The following RNF7 variants were observed in gnomAD, a reference collection of about 807,000 sequenced individuals.
RNF7 encodes RING-box protein 2.
A neutral mutation model predicts 17.0 loss-of-function variants in RNF7; 9 were observed. That is an observed-to-expected ratio of 0.53 (90% CI 0.32 to 0.92). The LOEUF is 0.92. Ranked by LOEUF, RNF7 falls within the 40% of genes least tolerant of loss-of-function variation. The pLI is 0.04. For synonymous variants in RNF7, 59 were observed against 50.5 expected (o/e 1.17, Z -0.72); for missense variants, 87 against 145.8 (o/e 0.60, Z 2.08).
intron 1 of RNF7, among the ~76,000 whole-genome samples, chr3:141,739,247 C>T (rs1404504137): frequency 1.3e-5 from 2 of 152,148 alleles, no homozygotes; most frequent in Admixed American, 6.5e-5. Flanking sequence ...TCCATCACAC[C>T]CCCCTCTCCA....
chr3:141,739,780 G>A (rs1468083993), intron 1 of RNF7, among the ~76,000 whole-genome samples: 1 of 152,156 alleles, frequency 6.6e-6, no homozygotes, highest in Non-Finnish European at 1.5e-5. Flanking sequence ...CTTGATATTA[G>A]ACATGACCCA....
intron 2 of RNF7, among the ~76,000 whole-genome samples, 193 bp from the exon 3 acceptor site, chr3:141,744,966 C>T (rs2084456960): frequency 6.6e-6 from 1 of 152,176 alleles, no homozygotes; most frequent in Non-Finnish European, 1.5e-5. Context: ...GAAAGGCTCT[C>T]AAACAGTGAC....
chr3:141,745,508 C>CT lies in RNF7; in HGVS notation c.*232dup, dbSNP rs1183788419. ...TTATTAAAGGTGGTCCTTCCTACCT[C>CT]TGTGGTGTGTGTCGCGCACACAGCT... is the stretch of plus-strand genomic sequence containing the variant. On this transcript the variant is annotated 3_prime_UTR_variant, in exon 3 of 3. Coordinates refer to ENST00000273480, the MANE Select transcript of RNF7 (RefSeq NM_014245.5). 2.0e-4 allele frequency: 63 copies of CT among 313,474 alleles called. No individual in the cohort carries two copies. Among genetic ancestry groups the CT allele is most frequent in the Middle Eastern group, 1.0e-3 (1 of 978 alleles). The allele number at this position is 313,474 out of a possible 1,614,324, so 19.4% of individuals were successfully genotyped here. A position where few individuals can be genotyped will look rare whatever the true frequency, so the allele number is the denominator to read the frequency against.
intron 2 of RNF7, 102 bp from the exon 3 acceptor site, chr3:141,745,057 T>G (rs1243218550): frequency 2.7e-6 from 2 of 733,950 alleles, no homozygotes; most frequent in African/African-American, 3.6e-5. Flanking sequence ...ATTAACTATC[T>G]TTTTTCAAGA....
chr3:141,740,268 A>AAAATAAT (rs1351271864), intron 1 of RNF7, among the ~76,000 whole-genome samples: 9 of 151,634 alleles, frequency 5.9e-5, no homozygotes, highest in African/African-American at 1.9e-4. Flanking sequence ...GTTCCTTTCC[A>AAAATAAT]GTTTAAAAAT....
rs1165211500 is a variant in RNF7, at chr3:141,738,429, T to C, written c.88T>C (p.Phe30Leu). Residue 30 changes from phenylalanine to leucine, a missense_variant, in exon 1 of 3, where the codon TTC becomes CTC. Physicochemically the swap from Phe to Leu is conservative, Grantham distance 22. Around this residue, in one of 2 missense-constraint regions of RNF7, gnomAD observed 51 missense variants for 41.0 expected, o/e 1.24. Transcript: ENST00000273480. ...CTCCAAGTCGGGAGGCGACAAGATGTTCTCCCTCAAGAAGTGGAACGCGGT... is the reference window on the plus strand; with the variant it reads ...CTCCAAGTCGGGAGGCGACAAGATGCTCTCCCTCAAGAAGTGGAACGCGGT... Reference protein sequence around the residue: ...SGSKSGGDKMFSLKKWNAVAM... With the variant: ...SGSKSGGDKMLSLKKWNAVAM... 5.6e-6 allele frequency: 9 copies of C among 1,612,944 alleles called. No homozygotes were observed. The South Asian group carries it at 9.9e-5, about 18-fold the overall frequency.
chr3:141,744,898 T>C (rs911996347), intron 2 of RNF7, among the ~76,000 whole-genome samples: 3 of 152,160 alleles, frequency 2.0e-5, no homozygotes. Context: ...AGACAGCATG[T>C]GGAGCTGTGT....
chr3:141,744,105 A>G (rs1337236021), intron 2 of RNF7, among the ~76,000 whole-genome samples: 1 of 152,200 alleles, frequency 6.6e-6, no homozygotes, highest in African/African-American at 2.4e-5. Context: ...TCTTGAGGTG[A>G]TCAAGTCTAG....
In RNF7 at chr3:141,746,559, T is replaced by TGGTCGCCG; in HGVS notation, c.*1282_*1283insGGTCGCCG. 1 of 152,132 alleles carries TGGTCGCCG rather than the reference T, an allele frequency of 6.6e-6. No homozygotes were observed. The highest frequency in any genetic ancestry group is 1.9e-4 in the East Asian group (1 of 5,184). 9.4% of individuals were successfully genotyped at this position (152,132 alleles called of 1,614,324 possible). A position where few individuals can be genotyped will look rare whatever the true frequency, so the allele number is the denominator to read the frequency against. On this transcript the variant is annotated 3_prime_UTR_variant, in exon 3 of 3. Transcript: ENST00000273480. ...GAGTGCAAGAAAATACTAAACAACT[T>TGGTCGCCG]TATCAAACTGATTCACACTGAGGGG...
chr3:141,742,786 C>G, intron 1 of RNF7: 2 of 1,266,096 alleles, frequency 1.6e-6, no homozygotes, highest in South Asian at 1.3e-5. Context: ...GTCTGGATGA[C>G]CATCGGTAGC....
At chr3:141,742,820 A>G in intron 1 of RNF7, 5 of 1,184,810 alleles carry the variant, frequency 4.2e-6, no homozygotes, top group Non-Finnish European at 5.3e-6. Flanking sequence ...CATACAAAGC[A>G]GTTTATTTTA....
chr3:141,740,183 TA>T (rs1283575134), intron 1 of RNF7, among the ~76,000 whole-genome samples: 2 of 151,644 alleles, frequency 1.3e-5, no homozygotes, highest in African/African-American at 2.4e-5. Flanking sequence ...TTTTTTTTTT[TA>T]AGACAAGTTT....
intron 1 of RNF7, among the ~76,000 whole-genome samples, chr3:141,740,922 A>G (rs2084409324): frequency 6.6e-6 from 1 of 152,178 alleles, no homozygotes; most frequent in African/African-American, 2.4e-5. Flanking sequence ...TTCTGCTCCC[A>G]AGACTTGCCT....
intron 1 of RNF7, among the ~76,000 whole-genome samples, chr3:141,739,534 GTAGT>G (rs1372533865): frequency 6.6e-5 from 10 of 152,190 alleles, no homozygotes; most frequent in African/African-American, 1.7e-4. Flanking sequence ...TTTATTGAGG[GTAGT>G]TAAAGAAAAC....
Position 141,746,204 on chromosome 3 carries a change from T to TGACCTCAGGTGATTCGCC in RNF7, c.*928_*945dup, listed in dbSNP as rs1450841784. The TGACCTCAGGTGATTCGCC allele has an allele frequency of 2.0e-5, 3 of 152,160 alleles. No homozygotes were observed. Among genetic ancestry groups the TGACCTCAGGTGATTCGCC allele is most frequent in the African/African-American group, 4.8e-5 (2 of 41,436 alleles). The allele number at this position is 152,160 out of a possible 1,614,324, so 9.4% of individuals were successfully genotyped here. ...GTTGGCCAGGCTGGTCTCAAACTCCTGACCTCAGGTGATTCGCCCACCTCA... is the reference window on the plus strand; with the variant it reads ...GTTGGCCAGGCTGGTCTCAAACTCCTGACCTCAGGTGATTCGCCGACCTCAGGTGATTCGCCCACCTCA... On this transcript the variant is annotated 3_prime_UTR_variant, in exon 3 of 3. Coordinates refer to ENST00000273480, the MANE Select transcript of RNF7 (RefSeq NM_014245.5).
rs1442447452 is a variant in RNF7 at position 141,745,515 on chromosome 3, G to C, written c.*238G>C. 3.4e-6 allele frequency: 1 copy of C among 295,040 alleles called. No individual in the cohort carries two copies. The highest frequency in any genetic ancestry group is 6.5e-6 in the Non-Finnish European group (1 of 154,634). The allele number at this position is 295,040 out of a possible 1,614,324, so 18.3% of individuals were successfully genotyped here. On this transcript the variant is annotated 3_prime_UTR_variant, in exon 3 of 3. Coordinates refer to ENST00000273480, the MANE Select transcript of RNF7 (RefSeq NM_014245.5). ...AGGTGGTCCTTCCTACCTCTGTGGTGTGTGTCGCGCACACAGCTTAGAAGT... is the reference window on the plus strand; with the variant it reads ...AGGTGGTCCTTCCTACCTCTGTGGTCTGTGTCGCGCACACAGCTTAGAAGT...
rs367943384 is a variant in RNF7, at chr3:141,738,385, C to T, written c.44C>T (p.Ser15Phe). Residue 15 changes from serine to phenylalanine, a missense_variant, in exon 1 of 3, where the codon TCT becomes TTT. By Grantham distance (155) the Ser-to-Phe change is radical. Transcript: ENST00000273480. Reference protein sequence around the residue: ...EDGEETCALASHSGSSGSKSG... With the variant: ...EDGEETCALAFHSGSSGSKSG... ...GGAGAGGAAACCTGCGCCCTGGCCT[C>T]TCACTCCGGGAGCTCAGGCTCCAAG... 13 of 1,599,402 alleles carry T rather than the reference C, an allele frequency of 8.1e-6. No homozygotes were observed. Among genetic ancestry groups the T allele is most frequent in the Non-Finnish European group, 1.0e-5 (12 of 1,173,378 alleles).
intron 1 of RNF7, 63 bp downstream of exon 1, chr3:141,738,579 G>A: frequency 2.0e-6 from 3 of 1,500,622 alleles, no homozygotes; most frequent in Non-Finnish European, 2.7e-6. Context: ...TCGGGGTTGG[G>A]AAGGGACGGG....
intron 1 of RNF7, among the ~76,000 whole-genome samples, chr3:141,739,059 A>G (rs1289012897): frequency 1.3e-5 from 2 of 152,038 alleles, no homozygotes; most frequent in African/African-American, 4.8e-5. Flanking sequence ...GTTCATAGCC[A>G]TTGCATTTCC....
Sources: allele counts gnomAD v4.1 joint callset (sites outside exome capture counted in the v4.1 genomes callset), GRCh38; gene constraint gnomAD v4.1.1; regional missense constraint gnomAD v4.1.1; transcripts MANE v1.5; gene names NCBI Gene and HGNC (gene_info 2026-07-23, HGNC 2026-07-21).